The following MED16 variants were observed in gnomAD, a reference collection of about 807,000 sequenced individuals.
MED16 encodes mediator complex subunit 16, also known as mediator of RNA polymerase II transcription subunit 16.
MED16 carries 81 observed loss-of-function variants against 84.4 expected under a neutral mutation model. The observed-to-expected ratio is 0.96, with a 90% CI of 0.80 to 1.15. MED16 has a LOEUF of 1.15. Ranked by LOEUF, MED16 falls within the 50% of genes most tolerant of loss-of-function variation. MED16 has a pLI of 0.00. For synonymous variants in MED16, 897 were observed against 552.2 expected (o/e 1.62, Z -8.76); for missense variants, 1,585 against 1,245.9 (o/e 1.27, Z -4.10).
At chr19:879,425 C>T (rs1240741761) in intron 8 of MED16, among the ~76,000 whole-genome samples, 4 of 73,346 alleles carry the variant, frequency 5.5e-5, no homozygotes, top group African/African-American at 2.1e-4. Flanking sequence ...CAATGCCCAC[C>T]AACCCCAGCC....
intron 4 of MED16, among the ~76,000 whole-genome samples, chr19:887,132 C>T (rs1030850965): frequency 4.6e-5 from 7 of 151,600 alleles, no homozygotes; most frequent in African/African-American, 1.5e-4. Flanking sequence ...TGAAAAAATG[C>T]GAGGAAGAGA....
intron 6 of MED16, among the ~76,000 whole-genome samples, chr19:883,860 C>A (rs573843087): frequency 1.7e-3 from 264 of 152,294 alleles, no homozygotes; most frequent in African/African-American, 5.8e-3. Context: ...TGAGGCCCAA[C>A]AAGGCCCTGG....
intron 6 of MED16, 64 bp downstream of exon 6, chr19:884,839 C>A: frequency 7.3e-7 from 1 of 1,365,932 alleles, no homozygotes; most frequent in East Asian, 2.5e-5. Context: ...GACCTGCCTC[C>A]AAAATAAAAA....
chr19:889,363 A>G (rs966803529), intron 4 of MED16, among the ~76,000 whole-genome samples: 14 of 152,176 alleles, frequency 9.2e-5, no homozygotes, highest in Admixed American at 6.5e-4. Flanking sequence ...ATAACTCACT[A>G]AGAACGGCCA....
At chr19:892,879 C>G (rs1461353594) in intron 1 of MED16, 21 of 83,470 alleles carry the variant, frequency 2.5e-4, no homozygotes, top group African/African-American at 7.0e-4. Flanking sequence ...CCCTGAGCCC[C>G]GAGCCCCGCG....
Position 885,890 on chromosome 19 carries a change from G to T in MED16, c.759C>A (p.Cys253Ter). 2 of 1,613,698 alleles carry T rather than the reference G, an allele frequency of 1.2e-6. No homozygotes were observed. The highest frequency in any genetic ancestry group is 1.3e-5 in the African/African-American group (1 of 75,076). The change falls in exon 5 of 16, where the codon TGC becomes TGA. Residue 253 changes from cysteine (C) to a stop codon, truncating the protein, a stop_gained. Transcript: ENST00000325464. LOFTEE classifies it high-confidence loss of function. ...AGGGCAGGATCTCCGTGTCGATACG[G>T]CACTTCTCGCTCACCACGCTCACGC... ...KVCVSVVSEK[C>*]RIDTEILPSL... is the part of the protein sequence containing the mutation.
chr19:885,083 G>GT, intron 5 of MED16, 75 bp from the exon 6 acceptor site: 3 of 1,155,264 alleles, frequency 2.6e-6, no homozygotes, highest in Non-Finnish European at 3.7e-6. Flanking sequence ...CCTGAGCTGC[G>GT]GGACCCTGGG....
intron 12 of MED16, chr19:871,644 C>T (rs752749561): frequency 1.1e-5 from 18 of 1,592,188 alleles, no homozygotes; most frequent in South Asian, 2.2e-5. Context: ...CCACACAGAG[C>T]ATGGACCTGT....
chr19:875,657 G>A (rs2036213613), intron 9 of MED16, among the ~76,000 whole-genome samples: 1 of 152,226 alleles, frequency 6.6e-6, no homozygotes, highest in Non-Finnish European at 1.5e-5. Flanking sequence ...GTTCTCAGCT[G>A]GGAGCGGCTC....
At chr19:888,862 C>A (rs2036575919) in intron 4 of MED16, among the ~76,000 whole-genome samples, 1 of 152,194 alleles carries the variant, frequency 6.6e-6, no homozygotes, top group Non-Finnish European at 1.5e-5. Context: ...TCCAGGAAGG[C>A]CTCCTAGTTC....
intron 6 of MED16, among the ~76,000 whole-genome samples, chr19:883,397 C>T (rs1475952400): frequency 3.6e-5 from 4 of 111,466 alleles, no homozygotes; most frequent in Admixed American, 1.9e-4. Context: ...CTGGGCATGG[C>T]GGGGACCGAA....
chr19:888,302 A>ACC (rs2036564236), intron 4 of MED16, among the ~76,000 whole-genome samples: 1 of 152,020 alleles, frequency 6.6e-6, no homozygotes, highest in Non-Finnish European at 1.5e-5. Flanking sequence ...CAGACGGATC[A>ACC]CCTGAGGTGA....
chr19:890,747 G>C (rs771276414), intron 2 of MED16, among the ~76,000 whole-genome samples: 2 of 152,288 alleles, frequency 1.3e-5, no homozygotes, highest in East Asian at 3.9e-4. Flanking sequence ...CACACGGGGC[G>C]ATCTCATGTC....
intron 8 of MED16, among the ~76,000 whole-genome samples, chr19:877,572 C>G (rs1306243547): frequency 1.1e-5 from 1 of 88,782 alleles, no homozygotes; most frequent in African/African-American, 5.0e-5. Flanking sequence ...CAAGGCAGCG[C>G]AGGCAGGGGC....
intron 4 of MED16, among the ~76,000 whole-genome samples, chr19:887,788 T>C (rs2036555217): frequency 6.6e-6 from 1 of 152,020 alleles, no homozygotes; most frequent in Non-Finnish European, 1.5e-5. Context: ...CAGTGTGTGA[T>C]CCTGTTTCTA....
chr19:890,493 G>A (rs1455918944), intron 2 of MED16: 1 of 441,870 alleles, frequency 2.3e-6, no homozygotes, highest in Non-Finnish European at 4.0e-6. Context: ...TGAACAGTGG[G>A]AGCCTCTCCA....
rs1568323265 is a variant in MED16, at chr19:875,315, T to C, written c.1700A>G (p.His567Arg). The C allele has an allele frequency of 6.2e-7, 1 of 1,608,470 alleles. No homozygotes were observed. The highest frequency in any genetic ancestry group is 8.5e-7 in the Non-Finnish European group (1 of 1,178,744). The change falls in exon 10 of 16, where the codon CAC (histidine) becomes CGC (arginine). Residue 567 changes from histidine to arginine, a missense_variant. Coordinates refer to ENST00000325464, the MANE Select transcript of MED16 (RefSeq NM_005481.3). ...SSTLKSLLRP[H>R]FLNTPDKSPG... The stretch of plus-strand genomic sequence containing the variant: ...GCTCTTGTCAGGCGTGTTGAGAAAG[T>C]GGGGGCGCAGCAGCGACTTCAGGGT...
At chr19:868,717 T>G in intron 14 of MED16, 146 bp downstream of exon 14, 1 of 1,070,262 alleles carries the variant, frequency 9.3e-7, no homozygotes, top group South Asian at 1.6e-5. Context: ...CTGCTCCACA[T>G]CCTGGGATCC....
At chr19:870,931 C>G in intron 13 of MED16, 106 bp downstream of exon 13, 1 of 1,188,238 alleles carries the variant, frequency 8.4e-7, no homozygotes, top group South Asian at 1.5e-5. Context: ...TCGGGGGGAC[C>G]TGGGGCAGGA....
Sources: gnomAD v4.1 joint callset for allele counts (sites outside exome capture counted in the v4.1 genomes callset) on GRCh38, gnomAD v4.1.1 for gene constraint, MANE v1.5 for transcripts, NCBI Gene and HGNC (gene_info 2026-07-23, HGNC 2026-07-21) for gene names.